TFDP2: variants seen among roughly 807,000 people sequenced by gnomAD.
TFDP2 encodes the protein transcription factor Dp-2 (E2F dimerization partner 2).
TFDP2 carries 17 observed loss-of-function variants against 59.3 expected under a neutral mutation model. That is an observed-to-expected ratio of 0.29 (90% CI 0.20 to 0.43). TFDP2 has a LOEUF of 0.43. Among genes scored for constraint, TFDP2 ranks in the 20% least tolerant of loss-of-function variants. The pLI, the probability that TFDP2 is intolerant of heterozygous loss-of-function variation, is 1.00. For missense variants in TFDP2, 391 were observed against 528.8 expected, an observed-to-expected ratio of 0.74 and a Z score of 2.56; for synonymous variants, 180 against 194.7, an observed-to-expected ratio of 0.92 and a Z score of 0.63.
chr3:142,012,519 A>C (rs1323492545), intron 3 of TFDP2, among the ~76,000 whole-genome samples: 1 of 152,154 alleles, frequency 6.6e-6, no homozygotes, highest in Non-Finnish European at 1.5e-5. Flanking sequence ...TTGTGGAGAA[A>C]AGCAAAGACC....
At chr3:141,985,572 T>C (rs1447042907) in intron 6 of TFDP2, among the ~76,000 whole-genome samples, 2 of 149,460 alleles carry the variant, frequency 1.3e-5, no homozygotes, top group Non-Finnish European at 3.0e-5. Flanking sequence ...AGATTTTCTA[T>C]ATGCTTCTGG....
chr3:142,019,737 T>C (rs1214875869), intron 3 of TFDP2, among the ~76,000 whole-genome samples: 1 of 151,884 alleles, frequency 6.6e-6, no homozygotes, highest in African/African-American at 2.4e-5. Context: ...ATATAAGAAG[T>C]GACAGATCCA....
chr3:142,144,453 A>C lies in TFDP2; in HGVS notation c.-93+4730T>G, dbSNP rs115971887. ...AGAGGAAACAGAAAAAGGGAGTTGGAAAGTACTATGCTCAGAAATCAAATT... is the reference window on the plus strand; with the variant it reads ...AGAGGAAACAGAAAAAGGGAGTTGGCAAGTACTATGCTCAGAAATCAAATT... On this transcript the variant is annotated intron_variant, in intron 1 of 12. Coordinates refer to ENST00000489671, the MANE Select transcript of TFDP2 (RefSeq NM_001178139.2). Among the ~76,000 whole-genome samples the C allele has an allele frequency of 8.1e-3, 1,234 of 152,310 alleles. 7 individuals are homozygous for C. Among genetic ancestry groups the C allele is most frequent in the Non-Finnish European group, 0.013 (890 of 68,028 alleles).
rs757334566 is a variant in TFDP2, at chr3:142,085,458, AAT to A, written c.82+7601_82+7602del. ...TCAAAACTTCAAAATATTAGAAATA[AAT>A]ATGATTATAACCTTATTTTTAAGCT... On this transcript the variant is annotated intron_variant, in intron 3 of 12. Transcript: ENST00000489671. 1.7e-4 allele frequency among the ~76,000 whole-genome samples: 26 copies of A among 152,278 alleles called. 1 individual carries two copies. The highest frequency in any genetic ancestry group is 6.8e-3 in the Middle Eastern group (2 of 294).
At chr3:142,127,944 C>T (rs1330734851) in intron 1 of TFDP2, among the ~76,000 whole-genome samples, 3 of 152,094 alleles carry the variant, frequency 2.0e-5, no homozygotes, top group Non-Finnish European at 4.4e-5. Context: ...CTCACACTTA[C>T]AATTCCAGTG....
chr3:142,089,716 A>C (rs573381847), intron 3 of TFDP2, among the ~76,000 whole-genome samples: 33 of 152,126 alleles, frequency 2.2e-4, no homozygotes, highest in Non-Finnish European at 4.3e-4. Flanking sequence ...ATGTTTAATA[A>C]ATCATTACTC....
chr3:142,000,390 C>T, intron 4 of TFDP2: 1 of 690,176 alleles, frequency 1.4e-6, no homozygotes, highest in South Asian at 1.5e-5. Flanking sequence ...CTCCCTTCAA[C>T]CTCTTTTATA....
chr3:142,007,285 G>A (rs1166798475), intron 3 of TFDP2, among the ~76,000 whole-genome samples: 1 of 152,034 alleles, frequency 6.6e-6, no homozygotes. Flanking sequence ...GCAAGTCCTA[G>A]TACCCAAATC....
intron 12 of TFDP2, 105 bp downstream of exon 12, chr3:141,952,806 C>A: frequency 6.4e-7 from 1 of 1,555,054 alleles, no homozygotes; most frequent in Non-Finnish European, 8.9e-7. Flanking sequence ...TGCCACAAAC[C>A]TGCTCAGCAG....
In TFDP2 at chr3:141,951,962, C is replaced by G. The variant is rs1046203616; in HGVS notation, c.*551G>C. On this transcript the variant is annotated 3_prime_UTR_variant, in exon 13 of 13. Coordinates refer to ENST00000489671, the MANE Select transcript of TFDP2 (RefSeq NM_001178139.2). ...AAGGCAGCTGATGCGTAAAGCACCT[C>G]ATCTAGACCTCCAACTAGTTCAGCA... The G allele has an allele frequency of 6.5e-6, 1 of 152,688 alleles. No individual in the cohort carries two copies. Among genetic ancestry groups the G allele is most frequent in the Non-Finnish European group, 1.5e-5 (1 of 68,080 alleles). The allele number at this position is 152,688 out of a possible 1,614,324, so 9.5% of individuals were successfully genotyped here.
chr3:142,106,627 T>C (rs1448152284), intron 1 of TFDP2, among the ~76,000 whole-genome samples: 2 of 152,252 alleles, frequency 1.3e-5, no homozygotes, highest in Non-Finnish European at 2.9e-5. Context: ...TTATGTTTTA[T>C]CCAGACTCAA....
intron 6 of TFDP2, among the ~76,000 whole-genome samples, chr3:141,979,729 C>T (rs990697241): frequency 6.6e-6 from 1 of 152,082 alleles, no homozygotes; most frequent in Non-Finnish European, 1.5e-5. Context: ...GCTGGGATTA[C>T]AGGTGTGCAC....
At chr3:141,987,574 C>A (rs541599599) in intron 6 of TFDP2, among the ~76,000 whole-genome samples, 1 of 128,856 alleles carries the variant, frequency 7.8e-6, no homozygotes, top group Non-Finnish European at 1.6e-5. Context: ...TGAGCCACTG[C>A]GCCTGGCGTG....
chr3:142,024,492 T>G (rs1429675073), intron 3 of TFDP2, among the ~76,000 whole-genome samples: 1 of 152,180 alleles, frequency 6.6e-6, no homozygotes, highest in Non-Finnish European at 1.5e-5. Context: ...TCTCCCCTCT[T>G]ACTCCACTCC....
At chr3:142,045,154 CTTTT>C (rs566115352) in intron 3 of TFDP2, among the ~76,000 whole-genome samples, 2 of 137,758 alleles carry the variant, frequency 1.5e-5, no homozygotes, top group Non-Finnish European at 1.6e-5. Flanking sequence ...AATCTCTTTC[CTTTT>C]TTTTTTTTTT....
intron 3 of TFDP2, among the ~76,000 whole-genome samples, chr3:142,033,144 G>A (rs1325077591): frequency 2.0e-5 from 3 of 152,188 alleles, no homozygotes; most frequent in East Asian, 1.9e-4. Context: ...GCAGTGAGCC[G>A]AGATTACACC....
intron 11 of TFDP2, among the ~76,000 whole-genome samples, chr3:141,957,110 A>T (rs553504011): frequency 9.3e-4 from 142 of 152,270 alleles, no homozygotes; most frequent in Admixed American, 3.5e-3. Context: ...TCAGGCCAAG[A>T]GTTCCAGATC....
intron 1 of TFDP2, among the ~76,000 whole-genome samples, chr3:142,115,341 C>CA (rs1168183235): frequency 4.1e-4 from 57 of 140,170 alleles, no homozygotes; most frequent in African/African-American, 1.4e-3. Flanking sequence ...TTTTCTGAGA[C>CA]AGAGTCCCGC....
At chr3:142,044,270 T>C (rs928020169) in intron 3 of TFDP2, 3 of 224,560 alleles carry the variant, frequency 1.3e-5, no homozygotes, top group Non-Finnish European at 2.6e-5. Context: ...AGTCTCGCTC[T>C]GTCGCCAGGC....
Sources: gnomAD v4.1 joint callset for allele counts (sites outside exome capture counted in the v4.1 genomes callset) on GRCh38, gnomAD v4.1.1 for gene constraint, MANE v1.5 for transcripts, NCBI Gene and HGNC (gene_info 2026-07-23, HGNC 2026-07-21) for gene names.